PTCHD1: variants seen among roughly 807,000 people sequenced by gnomAD.
PTCHD1 encodes patched domain containing 1, also known as patched domain-containing protein 1.
Under a neutral mutation model 34.6 loss-of-function variants are expected in PTCHD1, and 3 were observed. That is an observed-to-expected ratio of 0.09 (90% CI 0.04 to 0.22). PTCHD1 has a LOEUF of 0.22. PTCHD1 is among the 10% of genes least tolerant of loss of function. The pLI is 1.00. For synonymous variants in PTCHD1, 305 were observed against 283.1 expected (o/e 1.08, Z -0.77); for missense variants, 504 against 685.5 (o/e 0.74, Z 2.96).
At chrX:23,382,713 G>T (rs1922598097) in intron 2 of PTCHD1, among the ~76,000 whole-genome samples, 1 of 112,794 alleles carries the variant, frequency 8.9e-6, no homozygotes, top group African/African-American at 3.2e-5. Context: ...AATGTTACGT[G>T]CATTGATTTG....
Position 23,393,234 on chromosome X carries a change from A to G in PTCHD1, c.1716A>G (p.Gln572=). ...TAGAATACTGGAACACTAGTGTCCA[A>G]GAAGATGTTCTAGAATACACCAAGG... ...ESIEYWNTSV[Q]EDVLEYTKGF... Residue 572 remains glutamine, a synonymous_variant, in exon 3 of 3, where the codon CAA becomes CAG. Transcript: ENST00000379361. 8.3e-7 allele frequency: 1 copy of G among 1,209,169 alleles called. No individual in the cohort carries two copies. Among genetic ancestry groups the G allele is most frequent in the East Asian group, 3.0e-5 (1 of 33,847 alleles).
chrX:23,343,944 T>C (rs1396119360), intron 1 of PTCHD1, among the ~76,000 whole-genome samples: 1 of 112,599 alleles, frequency 8.9e-6, no homozygotes, highest in Admixed American at 9.4e-5. Context: ...TTGTTTTTGG[T>C]CTTGTGGTAT....
intron 2 of PTCHD1, among the ~76,000 whole-genome samples, chrX:23,381,507 C>G (rs1056809390): frequency 4.5e-5 from 5 of 112,318 alleles, no homozygotes; most frequent in African/African-American, 1.6e-4. Flanking sequence ...ATTAGCGTGC[C>G]TTATGCCCTG....
intron 2 of PTCHD1, among the ~76,000 whole-genome samples, chrX:23,385,901 A>G (rs1441597741): frequency 1.8e-5 from 2 of 111,031 alleles, no homozygotes; most frequent in Non-Finnish European, 3.8e-5. Flanking sequence ...TGTATTATAT[A>G]TCATATGCAA....
At chrX:23,392,502 T>TC in intron 2 of PTCHD1, 29 bp from the exon 3 acceptor site, 1 of 987,911 alleles carries the variant, frequency 1.0e-6, no homozygotes. Flanking sequence ...TCTTTAAACT[T>TC]CTGCTCTGGT....
Position 23,403,214 on chromosome X carries a change from G to C in PTCHD1, c.*9029G>C, listed in dbSNP as rs1208666639. 4 of 112,028 alleles carry C rather than the reference G, an allele frequency of 3.6e-5. No homozygotes were observed. Among genetic ancestry groups the C allele is most frequent in the African/African-American group, 9.7e-5 (3 of 30,837 alleles). 9.2% of individuals were successfully genotyped at this position (112,028 alleles called of 1,213,427 possible). A position where few individuals can be genotyped will look rare whatever the true frequency, so the allele number is the denominator to read the frequency against. ...TCAGTATTCAGAAACCTTATCATCT[G>C]TTCCTCCAAAAAGACCCCATAGTTA... On this transcript the variant is annotated 3_prime_UTR_variant, in exon 3 of 3. Coordinates refer to ENST00000379361, the MANE Select transcript of PTCHD1 (RefSeq NM_173495.3).
In PTCHD1 at chrX:23,388,803, C is replaced by T. The variant is rs1922748630; in HGVS notation, c.1013-3728C>T. ...CAGAGATTGTGCCACTGCACTCCAG[C>T]CTGGGAGACAGAGTGAGACTCCGTC... On this transcript the variant is annotated intron_variant, in intron 2 of 2. Coordinates refer to ENST00000379361, the MANE Select transcript of PTCHD1 (RefSeq NM_173495.3). 2.7e-5 allele frequency among the ~76,000 whole-genome samples: 3 copies of T among 110,356 alleles called. 1 individual carries two copies. In the Admixed American group the frequency reaches 2.9e-4, roughly 11 times the overall value.
chrX:23,362,993 T>A (rs1444130183), intron 1 of PTCHD1, among the ~76,000 whole-genome samples: 1 of 111,740 alleles, frequency 8.9e-6, no homozygotes, highest in Admixed American at 9.4e-5. Flanking sequence ...GAAGAGCAAA[T>A]ATTGCTGCCT....
At chrX:23,367,556 T>C (rs1033311438) in intron 1 of PTCHD1, among the ~76,000 whole-genome samples, 11 of 111,023 alleles carry the variant, frequency 9.9e-5, no homozygotes, top group Admixed American at 3.9e-4. Context: ...GGAAGGTAGA[T>C]GAAATGTTCT....
chrX:23,372,677 G>T (rs918133327), intron 1 of PTCHD1, among the ~76,000 whole-genome samples: 1 of 111,437 alleles, frequency 9.0e-6, no homozygotes, highest in Non-Finnish European at 1.9e-5. Flanking sequence ...GCTGTTGCCT[G>T]TTCCCAAGCC....
chrX:23,370,994 T>C (rs192969644), intron 1 of PTCHD1, among the ~76,000 whole-genome samples: 19 of 111,190 alleles, frequency 1.7e-4, no homozygotes, highest in Non-Finnish European at 3.0e-4. Flanking sequence ...GACAGGACTC[T>C]TGGGGAGGAG....
At chrX:23,385,298 C>T (rs1922659015) in intron 2 of PTCHD1, among the ~76,000 whole-genome samples, 1 of 111,385 alleles carries the variant, frequency 9.0e-6, no homozygotes, top group Admixed American at 9.6e-5. Context: ...TGGAACAAAA[C>T]AAGTTTTATT....
At chrX:23,386,811 A>G (rs1922695999) in intron 2 of PTCHD1, among the ~76,000 whole-genome samples, 1 of 112,914 alleles carries the variant, frequency 8.9e-6, no homozygotes, top group Admixed American at 9.3e-5. Context: ...TGCTATAAAC[A>G]GCTTCATTGA....
chrX:23,376,683 C>CTTA (rs1922421734), intron 1 of PTCHD1, among the ~76,000 whole-genome samples: 1 of 111,909 alleles, frequency 8.9e-6, no homozygotes, highest in Non-Finnish European at 1.9e-5. Context: ...GTCTCAACTC[C>CTTA]TTATTATAAC....
At chrX:23,381,008 C>T (rs746801729) in intron 2 of PTCHD1, among the ~76,000 whole-genome samples, 5 of 111,903 alleles carry the variant, frequency 4.5e-5, no homozygotes, top group Admixed American at 3.8e-4. Context: ...GCACTGAGAG[C>T]GCCTGCTACT....
chrX:23,354,034 T>A (rs1921728141), intron 1 of PTCHD1, among the ~76,000 whole-genome samples: 1 of 111,477 alleles, frequency 9.0e-6, no homozygotes, highest in South Asian at 3.8e-4. Context: ...ACCAAGAGAT[T>A]CTGATTTAAT....
intron 2 of PTCHD1, among the ~76,000 whole-genome samples, chrX:23,388,956 G>T (rs1297070339): frequency 1.8e-5 from 2 of 112,140 alleles, no homozygotes; most frequent in African/African-American, 6.5e-5. Flanking sequence ...ACTCCAGGTG[G>T]CCCAGTTTCT....
chrX:23,376,911 C>T (rs1026524199), intron 1 of PTCHD1, among the ~76,000 whole-genome samples: 2 of 112,052 alleles, frequency 1.8e-5, no homozygotes, highest in Non-Finnish European at 3.8e-5. Context: ...GAAACCTTCC[C>T]TCTCAAACTT....
At chrX:23,354,841 G>GCCCT (rs2146620114) in intron 1 of PTCHD1, among the ~76,000 whole-genome samples, 1 of 109,136 alleles carries the variant, frequency 9.2e-6, no homozygotes, top group East Asian at 2.9e-4. Context: ...AAAGTGCTGG[G>GCCCT]ATTATAGGGG....
Sources: gnomAD v4.1 joint callset for allele counts (sites outside exome capture counted in the v4.1 genomes callset) on GRCh38, gnomAD v4.1.1 for gene constraint, MANE v1.5 for transcripts, NCBI Gene and HGNC (gene_info 2026-07-23, HGNC 2026-07-21) for gene names.